LRRC53: variants seen among roughly 807,000 people sequenced by gnomAD.
LRRC53 encodes the protein leucine-rich repeat-containing protein 53.
LRRC53 carries 25 observed loss-of-function variants against 13.6 expected under a neutral mutation model. The ratio of observed to expected loss-of-function variants is 1.83; its 90% CI spans 1.34 to 2.56. The LOEUF (loss-of-function observed/expected upper bound fraction) is 2.56. Among genes scored for constraint, LRRC53 ranks in the 30% most tolerant of loss-of-function variants. LRRC53 has a pLI of 0.00. For synonymous variants in LRRC53, 204 were observed against 109.8 expected, an observed-to-expected ratio of 1.86 and a Z score of -5.37; for missense variants, 527 against 275.8, an observed-to-expected ratio of 1.91 and a Z score of -6.45.
intron 1 of LRRC53, among the ~76,000 whole-genome samples, chr1:74,488,602 T>C (rs888990967): frequency 3.3e-5 from 5 of 152,212 alleles, no homozygotes; most frequent in African/African-American, 1.2e-4. Context: ...GCTTGAAATA[T>C]ATTTGGAATA....
At chr1:74,477,655 A>G (rs1283506673) in intron 3 of LRRC53, among the ~76,000 whole-genome samples, 11 of 152,198 alleles carry the variant, frequency 7.2e-5, no homozygotes, top group Admixed American at 6.6e-4. Context: ...TCTGAATGGC[A>G]GGGACCCACT....
At chr1:74,515,773 T>C (rs1341988662), upstream of LRRC53, among the ~76,000 whole-genome samples, 2 of 152,182 alleles carry the variant, frequency 1.3e-5, no homozygotes, top group Admixed American at 6.5e-5. Context: ...ATAAGTATGA[T>C]AAAAGCTAAG....
rs1424914040 is a variant in LRRC53 at position 74,480,798 on chromosome 1, A to G, written c.259T>C (p.Leu87=). The G allele has an allele frequency of 4.2e-6, 3 of 717,594 alleles. No individual in the cohort carries two copies. The highest frequency in any genetic ancestry group is 5.2e-6 in the Non-Finnish European group (2 of 385,114). The allele number at this position is 717,594 out of a possible 1,614,324, so 44.5% of individuals were successfully genotyped here. The change falls in exon 3 of 5, where the codon TTG becomes CTG. Residue 87 remains leucine (L), a synonymous_variant. Coordinates refer to ENST00000294635, the MANE Select transcript of LRRC53 (RefSeq NM_001382280.1). ...CTGGATATTTGGTTGTGCTCCAGCA[A>G]CAAGGTCCGCAACATCGTAAGCCCA... The part of the protein sequence containing the change: ...LHGLTMLRTL[L]LEHNQISSSS...
intron 1 of LRRC53, among the ~76,000 whole-genome samples, chr1:74,499,485 T>C (rs1669498705): frequency 6.6e-6 from 1 of 152,178 alleles, no homozygotes; most frequent in African/African-American, 2.4e-5. Context: ...TTATTATTAA[T>C]TATTGTCAAT....
intron 3 of LRRC53, 148 bp from the exon 4 acceptor site, chr1:74,475,958 T>C (rs1201524378): frequency 2.2e-6 from 1 of 445,628 alleles, no homozygotes; most frequent in Non-Finnish European, 4.0e-6. Flanking sequence ...AAAATATCAG[T>C]CCAGACAGAG....
chr1:74,469,467 G>A lies in LRRC53; in HGVS notation c.*411C>T, dbSNP rs1462051466. 6.5e-6 allele frequency: 1 copy of A among 154,220 alleles called. No homozygotes were observed. Among genetic ancestry groups the A allele is most frequent in the African/African-American group, 2.4e-5 (1 of 41,450 alleles). The allele number at this position is 154,220 out of a possible 1,614,324, so 9.6% of individuals were successfully genotyped here. A position where few individuals can be genotyped will look rare whatever the true frequency, so the allele number is the denominator to read the frequency against. On this transcript the variant is annotated 3_prime_UTR_variant, in exon 5 of 5. Coordinates refer to ENST00000294635, the MANE Select transcript of LRRC53 (RefSeq NM_001382280.1). ...GAATATATAATTATCCATGTAGAAA[G>A]CAATATTGTAATACCACTAATTGAG...
In LRRC53 at chr1:74,496,753, G is replaced by A. The variant is rs78879635; in HGVS notation, c.-26-13378C>T. 3.8e-3 allele frequency among the ~76,000 whole-genome samples: 577 copies of A among 152,176 alleles called. 18 individuals carry two copies. In the East Asian group the frequency reaches 0.078, roughly 21 times the overall value. Reference sequence around the variant, plus strand: ...TTGAGAAAGGCACTCTTGAAGTTCTGCCTCTTTTAAAATATTTTGTGCCTC... The same window carrying A: ...TTGAGAAAGGCACTCTTGAAGTTCTACCTCTTTTAAAATATTTTGTGCCTC... On this transcript the variant is annotated intron_variant, in intron 1 of 4. Transcript: ENST00000294635.
intron 1 of LRRC53, among the ~76,000 whole-genome samples, chr1:74,492,826 A>G (rs1669146562): frequency 6.6e-6 from 1 of 152,228 alleles, no homozygotes; most frequent in South Asian, 2.1e-4. Flanking sequence ...AATACCATAT[A>G]CTGGGTACAT....
chr1:74,496,963 T>C (rs1001793692), intron 1 of LRRC53, among the ~76,000 whole-genome samples: 3 of 152,278 alleles, frequency 2.0e-5, no homozygotes, highest in Admixed American at 2.0e-4. Flanking sequence ...TTTGACCTAG[T>C]TAGCTGTCCA....
intron 1 of LRRC53, among the ~76,000 whole-genome samples, chr1:74,511,926 C>G (rs1670247990): frequency 6.6e-6 from 1 of 152,132 alleles, no homozygotes; most frequent in African/African-American, 2.4e-5. Context: ...AGAGCAGAAG[C>G]TATAGATGAG....
intron 1 of LRRC53, among the ~76,000 whole-genome samples, chr1:74,487,016 G>A (rs1418353309): frequency 1.3e-5 from 2 of 152,128 alleles, no homozygotes; most frequent in Admixed American, 6.5e-5. Context: ...TTGCAAATGG[G>A]AGAAGGGGAA....
intron 3 of LRRC53, among the ~76,000 whole-genome samples, chr1:74,479,914 C>G (rs1179700879): frequency 6.6e-6 from 1 of 152,234 alleles, no homozygotes; most frequent in Non-Finnish European, 1.5e-5. Context: ...GCTATTTATA[C>G]CAGGGCTGGA....
intron 2 of LRRC53, among the ~76,000 whole-genome samples, chr1:74,482,603 C>G (rs1414477950): frequency 2.0e-5 from 3 of 152,162 alleles, no homozygotes; most frequent in South Asian, 2.1e-4. Flanking sequence ...TCCACTCTGT[C>G]GTAACTCAAG....
intron 1 of LRRC53, among the ~76,000 whole-genome samples, chr1:74,508,729 G>A (rs1342720594): frequency 6.6e-6 from 1 of 152,174 alleles, no homozygotes; most frequent in African/African-American, 2.4e-5. Flanking sequence ...AGGAGGAAGG[G>A]TGCTTTGCTG....
At chr1:74,510,307 C>G (rs1446822194) in intron 1 of LRRC53, among the ~76,000 whole-genome samples, 1 of 152,068 alleles carries the variant, frequency 6.6e-6, no homozygotes, top group African/African-American at 2.4e-5. Flanking sequence ...GAGATCGAGA[C>G]CATCCTGGCT....
chr1:74,529,541 C>T, the LRRC53 span, among the ~76,000 whole-genome samples: 61,942 of 151,990 alleles, frequency 0.41, 14,993 homozygotes, highest in Non-Finnish European at 0.56. Flanking sequence ...CTATAAAAAG[C>T]GTTATTGAGA....
the LRRC53 span, among the ~76,000 whole-genome samples, chr1:74,524,723 G>A: frequency 1.3e-5 from 2 of 151,462 alleles, no homozygotes; most frequent in African/African-American, 4.9e-5. Flanking sequence ...TTATTCTAAT[G>A]TGAGAAGAGT....
chr1:74,491,071 A>C (rs1191997322), intron 1 of LRRC53, among the ~76,000 whole-genome samples: 1 of 152,170 alleles, frequency 6.6e-6, no homozygotes, highest in African/African-American at 2.4e-5. Flanking sequence ...GAGCCTTTTA[A>C]AGGAATAATT....
At chr1:74,495,027 A>G (rs781780302) in intron 1 of LRRC53, among the ~76,000 whole-genome samples, 15 of 152,166 alleles carry the variant, frequency 9.9e-5, no homozygotes, top group African/African-American at 3.1e-4. Flanking sequence ...TACCACTACT[A>G]ATTTTTCAAA....
Sources: allele counts gnomAD v4.1 joint callset (sites outside exome capture counted in the v4.1 genomes callset), GRCh38; gene constraint gnomAD v4.1.1; transcripts MANE v1.5; gene names NCBI Gene and HGNC (gene_info 2026-07-23, HGNC 2026-07-21).